GALNT17: variants seen among roughly 807,000 people sequenced by gnomAD.
The protein encoded by GALNT17 is UDP-GalNAc:polypeptide N-acetylgalactosaminyltransferase-like 3.
Under a neutral mutation model 63.7 loss-of-function variants are expected in GALNT17, and 29 were observed. That is an observed-to-expected ratio of 0.46 (90% CI 0.34 to 0.62). The LOEUF is 0.62. Among genes scored for constraint, GALNT17 ranks in the 20% least tolerant of loss-of-function variants. The pLI is 0.01. For synonymous variants in GALNT17, 305 were observed against 318.3 expected, an observed-to-expected ratio of 0.96 and a Z score of 0.45; for missense variants, 603 against 799.6, an observed-to-expected ratio of 0.75 and a Z score of 2.97.
chr7:71,382,598 G>A (rs1189321723), intron 2 of GALNT17, among the ~76,000 whole-genome samples: 2 of 152,098 alleles, frequency 1.3e-5, no homozygotes, highest in East Asian at 1.9e-4. Context: ...TAACCGAAAC[G>A]AGGTGGTCCT....
intron 6 of GALNT17, among the ~76,000 whole-genome samples, chr7:71,633,880 G>A (rs1038647274): frequency 5.3e-5 from 8 of 152,196 alleles, no homozygotes; most frequent in African/African-American, 1.4e-4. Context: ...GCGACATCAA[G>A]CATTGAGAAG....
chr7:71,667,355 T>G (rs1791000347), intron 7 of GALNT17, among the ~76,000 whole-genome samples: 1 of 152,236 alleles, frequency 6.6e-6, no homozygotes, highest in African/African-American at 2.4e-5. Context: ...TAATAAGTGC[T>G]TTTAGCCATT....
chr7:71,640,362 C>A lies in GALNT17; in HGVS notation c.1081-25049C>A, dbSNP rs1286002882. Among the ~76,000 whole-genome samples, 4 of 152,176 alleles carry A rather than the reference C, an allele frequency of 2.6e-5. No individual in the cohort carries two copies. In the East Asian group the frequency reaches 7.7e-4, roughly 29 times the overall value. ...ATGATGGCTGGCCATAGCTCCACAC[C>A]AGGGGCTCTTGGCTTGGAATCCACT... On this transcript the variant is annotated intron_variant, in intron 6 of 10. Transcript: ENST00000333538.
chr7:71,536,631 G>A (rs1235221939), intron 5 of GALNT17, among the ~76,000 whole-genome samples: 1 of 152,114 alleles, frequency 6.6e-6, no homozygotes, highest in Non-Finnish European at 1.5e-5. Context: ...GAACAGTATG[G>A]GGGAAGCTGC....
intron 1 of GALNT17, chr7:71,300,599 T>G (rs980027041): frequency 3.2e-6 from 1 of 316,408 alleles, no homozygotes; most frequent in African/African-American, 2.2e-5. Context: ...TGCATGCGCG[T>G]GCACATACAC....
chr7:71,327,873 C>CTTCTATAATTTA (rs1275178093), intron 1 of GALNT17, among the ~76,000 whole-genome samples: 1 of 152,126 alleles, frequency 6.6e-6, no homozygotes, highest in African/African-American at 2.4e-5. Context: ...AGATTTAGTA[C>CTTCTATAATTTA]CTTCTACTAA....
intron 2 of GALNT17, among the ~76,000 whole-genome samples, chr7:71,382,329 G>A (rs929584002): frequency 6.6e-6 from 1 of 152,040 alleles, no homozygotes; most frequent in African/African-American, 2.4e-5. Context: ...ACAGTGAGTC[G>A]AGATCACGCC....
At chr7:71,420,151 C>A (rs145022419) in intron 4 of GALNT17, among the ~76,000 whole-genome samples, 2 of 152,104 alleles carry the variant, frequency 1.3e-5, no homozygotes, top group African/African-American at 4.8e-5. Flanking sequence ...CGGAGACACA[C>A]GATGGTGGAG....
chr7:71,682,577 C>T (rs1303228840), intron 9 of GALNT17, among the ~76,000 whole-genome samples: 2 of 99,638 alleles, frequency 2.0e-5, no homozygotes, highest in African/African-American at 5.1e-5. Context: ...CAAGGTCTTG[C>T]TCTGTCACCC....
chr7:71,196,136 ATTAT>A (rs1188697404), intron 1 of GALNT17, among the ~76,000 whole-genome samples: 1 of 151,284 alleles, frequency 6.6e-6, no homozygotes, highest in African/African-American at 2.4e-5. Flanking sequence ...TATTTATTTT[ATTAT>A]TTATTTATTT....
At chr7:71,148,541 T>C (rs1014226197) in intron 1 of GALNT17, among the ~76,000 whole-genome samples, 2 of 152,216 alleles carry the variant, frequency 1.3e-5, no homozygotes, top group Admixed American at 6.5e-5. Context: ...ATTTGCATTG[T>C]GAATCCGCAG....
At chr7:71,378,827 A>AAACT (rs1231238620) in intron 2 of GALNT17, among the ~76,000 whole-genome samples, 2 of 151,666 alleles carry the variant, frequency 1.3e-5, no homozygotes, top group African/African-American at 4.8e-5. Flanking sequence ...CTACAAAAAA[A>AAACT]AAATAAATAA....
At chr7:71,208,869 TA>T (rs1258191760) in intron 1 of GALNT17, among the ~76,000 whole-genome samples, 1 of 152,232 alleles carries the variant, frequency 6.6e-6, no homozygotes, top group East Asian at 1.9e-4. Flanking sequence ...CTTACAACAT[TA>T]CACTCGGAGG....
At chr7:71,624,702 T>G (rs1436649340) in intron 6 of GALNT17, among the ~76,000 whole-genome samples, 2 of 152,220 alleles carry the variant, frequency 1.3e-5, no homozygotes, top group Non-Finnish European at 2.9e-5. Flanking sequence ...TTAAAAATAT[T>G]TCTGCATTAA....
Position 71,270,338 on chromosome 7 carries a change from A to G in GALNT17, c.239-65212A>G, listed in dbSNP as rs554651134. On this transcript the variant is annotated intron_variant, in intron 1 of 10. Transcript: ENST00000333538. ...GGAGATTGAGACCAGCCTGGCCAACATGATGAAACCCCGTCTCTACTAAAA... is the reference window on the plus strand; with the variant it reads ...GGAGATTGAGACCAGCCTGGCCAACGTGATGAAACCCCGTCTCTACTAAAA... 1.8e-3 allele frequency among the ~76,000 whole-genome samples: 276 copies of G among 152,090 alleles called. 3 individuals carry two copies. Among genetic ancestry groups the G allele is most frequent in the Non-Finnish European group, 5.6e-4 (38 of 68,016 alleles).
At chr7:71,635,545 A>G (rs1790517468) in intron 6 of GALNT17, among the ~76,000 whole-genome samples, 1 of 152,136 alleles carries the variant, frequency 6.6e-6, no homozygotes, top group Non-Finnish European at 1.5e-5. Flanking sequence ...TACATGGGAA[A>G]TTTTGTTACC....
chr7:71,603,044 C>T (rs1789989188), intron 6 of GALNT17, among the ~76,000 whole-genome samples: 2 of 152,006 alleles, frequency 1.3e-5, no homozygotes, highest in Admixed American at 1.3e-4. Context: ...AGTTACTATG[C>T]TAAGTGCATA....
chr7:71,566,824 C>T (rs1264700197), intron 5 of GALNT17, among the ~76,000 whole-genome samples: 2 of 152,096 alleles, frequency 1.3e-5, no homozygotes, highest in Admixed American at 6.6e-5. Context: ...AACTTAGGGG[C>T]GGAGAGCAGA....
intron 1 of GALNT17, among the ~76,000 whole-genome samples, chr7:71,174,193 C>T (rs543545519): frequency 5.9e-5 from 9 of 152,172 alleles, no homozygotes; most frequent in South Asian, 2.1e-4. Flanking sequence ...TCCAGGTGCC[C>T]GGGGAGTCCT....
Sources: gnomAD v4.1 joint callset for allele counts (sites outside exome capture counted in the v4.1 genomes callset) on GRCh38, gnomAD v4.1.1 for gene constraint, MANE v1.5 for transcripts, NCBI Gene and HGNC (gene_info 2026-07-23, HGNC 2026-07-21) for gene names.